TCF12: variants seen among roughly 807,000 people sequenced by gnomAD.
TCF12 encodes the protein transcription factor 12.
Under a neutral mutation model 86.0 loss-of-function variants are expected in TCF12, and 45 were observed. The ratio of observed to expected loss-of-function variants is 0.52; its 90% CI spans 0.41 to 0.67. The LOEUF is 0.67. Among genes scored for constraint, TCF12 ranks in the 30% least tolerant of loss-of-function variants. The probability of loss-of-function intolerance (pLI) is 0.00; values close to 1 mark genes in which losing one functional copy is unlikely to be tolerated. For synonymous variants in TCF12, 330 were observed against 299.6 expected, an observed-to-expected ratio of 1.10 and a Z score of -1.05; for missense variants, 881 against 859.9, an observed-to-expected ratio of 1.02 and a Z score of -0.31.
intron 8 of TCF12, among the ~76,000 whole-genome samples, chr15:57,202,358 T>A (rs1172521988): frequency 6.6e-6 from 1 of 152,196 alleles, no homozygotes; most frequent in Non-Finnish European, 1.5e-5. Flanking sequence ...TTTGGCTTTG[T>A]TGTTTAAGGA....
At chr15:57,233,154 A>G (rs1482903294) in intron 11 of TCF12, among the ~76,000 whole-genome samples, 1 of 150,558 alleles carries the variant, frequency 6.6e-6, no homozygotes, top group Admixed American at 6.7e-5. Context: ...ATGTGTATAT[A>G]TGTGTGTGTA....
At chr15:56,987,093 G>A (rs752702231) in intron 3 of TCF12, among the ~76,000 whole-genome samples, 2 of 151,776 alleles carry the variant, frequency 1.3e-5, no homozygotes, top group Non-Finnish European at 2.9e-5. Context: ...AATATTTAGT[G>A]AGCTTAATTA....
intron 6 of TCF12, among the ~76,000 whole-genome samples, chr15:57,177,710 C>T (rs1010049336): frequency 2.8e-5 from 4 of 142,922 alleles, no homozygotes; most frequent in Non-Finnish European, 4.5e-5. Context: ...ATTTTATTTA[C>T]TTATTTATTT....
intron 3 of TCF12, among the ~76,000 whole-genome samples, chr15:56,996,652 A>G (rs900087582): frequency 4.6e-5 from 7 of 152,334 alleles, no homozygotes; most frequent in Non-Finnish European, 7.4e-5. Flanking sequence ...AGACCTAATT[A>G]GAGAGCTTCT....
chr15:57,261,617 A>C (rs1168504949), intron 16 of TCF12, among the ~76,000 whole-genome samples: 3 of 152,150 alleles, frequency 2.0e-5, no homozygotes, highest in Non-Finnish European at 4.4e-5. Flanking sequence ...TTCATCCGTA[A>C]CAAGTTTTTT....
At chr15:57,124,800 C>T (rs1596659332) in intron 5 of TCF12, among the ~76,000 whole-genome samples, 1 of 151,994 alleles carries the variant, frequency 6.6e-6, no homozygotes, top group Non-Finnish European at 1.5e-5. Flanking sequence ...CCCTCAGCCT[C>T]CAGAGTAGCT....
At chr15:57,193,773 A>G (rs1005343773) in intron 7 of TCF12, among the ~76,000 whole-genome samples, 2 of 152,192 alleles carry the variant, frequency 1.3e-5, no homozygotes, top group African/African-American at 4.8e-5. Flanking sequence ...TGTGGGTATA[A>G]AAGGGCACTA....
chr15:57,165,168 A>T (rs2054795332), intron 5 of TCF12, among the ~76,000 whole-genome samples: 1 of 125,140 alleles, frequency 8.0e-6, no homozygotes, highest in African/African-American at 2.6e-5. Flanking sequence ...GTGTGTGCGT[A>T]CACGAGATGT....
intron 5 of TCF12, among the ~76,000 whole-genome samples, chr15:57,164,388 A>C (rs1405890873): frequency 6.6e-6 from 1 of 152,200 alleles, no homozygotes; most frequent in Non-Finnish European, 1.5e-5. Context: ...GACCTCAGGA[A>C]ACTTACAGTC....
intron 4 of TCF12, among the ~76,000 whole-genome samples, chr15:57,076,816 T>A (rs1301577419): frequency 1.2e-4 from 18 of 152,126 alleles, no homozygotes; most frequent in Non-Finnish European, 2.6e-4. Flanking sequence ...TGATCCATTG[T>A]GAGTTTGTTT....
At chr15:56,947,332 C>A (rs1238238232) in intron 3 of TCF12, among the ~76,000 whole-genome samples, 1 of 152,016 alleles carries the variant, frequency 6.6e-6, no homozygotes. Flanking sequence ...AGTAATATAG[C>A]GGGACTCCAA....
chr15:57,106,937 G>A (rs2050170412), intron 5 of TCF12, among the ~76,000 whole-genome samples: 1 of 152,168 alleles, frequency 6.6e-6, no homozygotes, highest in Admixed American at 6.5e-5. Context: ...TAACAATACG[G>A]AGCAACAGGA....
chr15:56,995,060 A>G (rs1411816938), intron 3 of TCF12, among the ~76,000 whole-genome samples: 1 of 151,996 alleles, frequency 6.6e-6, no homozygotes, highest in African/African-American at 2.4e-5. Context: ...ATTGATTCCA[A>G]ATAGACCCTG....
In TCF12 at chr15:56,921,095, T is replaced by A; in HGVS notation, c.145T>A (p.Ser49Thr). 1.2e-6 allele frequency: 2 copies of A among 1,607,402 alleles called. No individual in the cohort carries two copies. ...TTLGSSQFSG[S>T]GIDERGGTTS... ...ACTGGGAAGCAGTCAATTCAGTGGA[T>A]CAGGTAAGATGATGTCTTAAACTAA... Residue 49 changes from serine to threonine, a missense_variant, in exon 3 of 21, where the codon TCA (serine) becomes ACA (threonine). Transcript: ENST00000333725.
intron 7 of TCF12, among the ~76,000 whole-genome samples, chr15:57,192,919 A>T (rs1566893795): frequency 1.3e-5 from 2 of 152,240 alleles, no homozygotes; most frequent in East Asian, 1.9e-4. Flanking sequence ...CAGCCAGTGT[A>T]ATACTCTTGC....
At chr15:57,071,492 C>T (rs1439340648) in intron 4 of TCF12, among the ~76,000 whole-genome samples, 2 of 151,958 alleles carry the variant, frequency 1.3e-5, no homozygotes, top group East Asian at 1.9e-4. Flanking sequence ...AAAATTTAGC[C>T]GGGTGTGGTG....
chr15:57,051,615 C>T (rs537778313), intron 3 of TCF12, among the ~76,000 whole-genome samples: 2 of 152,244 alleles, frequency 1.3e-5, no homozygotes, highest in East Asian at 1.9e-4. Flanking sequence ...TGAGGCACCA[C>T]GCCCAGCCTA....
At chr15:57,180,806 A>ATTTTTTTTTTTTTTT (rs34557385) in intron 6 of TCF12, among the ~76,000 whole-genome samples, 2 of 82,128 alleles carry the variant, frequency 2.4e-5, no homozygotes, top group Admixed American at 1.7e-4. Flanking sequence ...GATGCTAATA[A>ATTTTTTTTTTTTTTT]TTTTTTTTTT....
chr15:57,165,997 A>G (rs560456271), intron 5 of TCF12, among the ~76,000 whole-genome samples: 1 of 152,060 alleles, frequency 6.6e-6, no homozygotes, highest in East Asian at 2.0e-4. Flanking sequence ...CGTTGAAAAT[A>G]AAGTATTTAC....
Sources: gnomAD v4.1 joint callset for allele counts (sites outside exome capture counted in the v4.1 genomes callset) on GRCh38, gnomAD v4.1.1 for gene constraint, MANE v1.5 for transcripts, NCBI Gene and HGNC (gene_info 2026-07-23, HGNC 2026-07-21) for gene names.